IKBKE: variants seen among roughly 807,000 people sequenced by gnomAD.
IKBKE encodes inhibitor of nuclear factor kappa-B kinase subunit epsilon.
In IKBKE, 45 loss-of-function variants were observed where a neutral mutation model predicts 92.1. The ratio of observed to expected loss-of-function variants is 0.49; its 90% confidence interval spans 0.38 to 0.63. IKBKE has a LOEUF of 0.63. Among genes scored for constraint, IKBKE ranks in the 20% least tolerant of loss-of-function variants. The pLI is 0.00. For synonymous variants in IKBKE, 374 were observed against 380.3 expected (o/e 0.98, Z 0.19); for missense variants, 700 against 932.8 (o/e 0.75, Z 3.25).
Position 206,491,709 on chromosome 1 carries a change from A to G in IKBKE, c.1795A>G (p.Lys599Glu). 6.2e-7 allele frequency: 1 copy of G among 1,613,670 alleles called. No individual in the cohort carries two copies. The highest frequency in any genetic ancestry group is 8.5e-7 in the Non-Finnish European group (1 of 1,179,716). ...GGTGTTCCAGGAGGAGTGCGTGCAG[A>G]AGTATCAAGCGTCCTTAGTCACACA... is the stretch of plus-strand genomic sequence containing the variant. Reference protein sequence around the residue: ...LQVFQEECVQKYQASLVTHGK... With the variant: ...LQVFQEECVQEYQASLVTHGK... The change falls in exon 18 of 22, where the codon AAG (lysine) becomes GAG (glutamate). Residue 599 changes from lysine (K) to glutamate (E), a missense_variant. By Grantham distance (56) the Lys-to-Glu change is moderately conservative (BLOSUM62 1). Coordinates refer to ENST00000581977, the MANE Select transcript of IKBKE (RefSeq NM_014002.4).
At position 206,487,283 on chromosome 1, in the gene IKBKE, G is replaced by A. The variant is rs41299029; in HGVS notation, c.1617-631G>A. 8.5e-3 allele frequency among the ~76,000 whole-genome samples: 1,295 copies of A among 152,350 alleles called. 20 individuals carry two copies. The highest frequency in any genetic ancestry group is 0.03 in the African/African-American group (1,232 of 41,560). On this transcript the variant is annotated intron_variant, in intron 15 of 21. Transcript: ENST00000581977. This position sits in a 1 kb window ranked among gnomAD's most constrained non-coding sequence, Gnocchi z 5.3. Reference sequence around the variant, plus strand: ...TTTGTTTCCAGCCTGAAAAGGGGAAGGAAGAAATAATAATGACCTTCAACC... The same window carrying A: ...TTTGTTTCCAGCCTGAAAAGGGGAAAGAAGAAATAATAATGACCTTCAACC...
At chr1:206,494,796 G>T (rs41299882) in intron 21 of IKBKE, among the ~76,000 whole-genome samples, 1,737 of 151,214 alleles carry the variant, frequency 0.011, 16 homozygotes, top group Middle Eastern at 0.021. Context: ...TAGAGACAGG[G>T]TTTCACCATC....
chr1:206,486,161 G>A (rs1223940425), intron 15 of IKBKE, among the ~76,000 whole-genome samples: 2 of 152,368 alleles, frequency 1.3e-5, no homozygotes, highest in East Asian at 1.9e-4. Flanking sequence ...GTGGTTCTTT[G>A]GAGATGTGAA....
intron 21 of IKBKE, 59 bp downstream of exon 21, chr1:206,494,050 G>T: frequency 6.8e-7 from 1 of 1,473,302 alleles, no homozygotes. Context: ...CCTTGCCTGG[G>T]GGTGGTGAAG....
chr1:206,493,359 C>G lies in IKBKE; in HGVS notation c.2026C>G (p.Arg676Gly). ...PPIAPYPSPT[R>G]KDLLLHMQEL... The stretch of plus-strand genomic sequence containing the variant: ...CATAGCTCCTTACCCCAGCCCTACA[C>G]GAAAGGACCTGCTTCTCCAGTAAGT... The change falls in exon 20 of 22, where the codon CGA becomes GGA. Residue 676 changes from arginine (R) to glycine (G), a missense_variant. Physicochemically the swap from Arg to Gly is moderately radical, Grantham distance 125. Transcript: ENST00000581977. 2 of 1,613,464 alleles carry G rather than the reference C, an allele frequency of 1.2e-6. No individual in the cohort carries two copies. Among genetic ancestry groups the G allele is most frequent in the South Asian group, 1.1e-5 (1 of 91,068 alleles).
At position 206,490,508 on chromosome 1, in the gene IKBKE, A is replaced by G. The variant is rs527296590; in HGVS notation, c.1694-311A>G. Reference sequence around the variant, plus strand: ...CTATGGTTGACCGAGCCTCCTTCTAAGCCCACTTCATCCACCAACTCCCAC... The same window carrying G: ...CTATGGTTGACCGAGCCTCCTTCTAGGCCCACTTCATCCACCAACTCCCAC... On this transcript the variant is annotated intron_variant, in intron 16 of 21. Transcript: ENST00000581977. This position sits in a 1 kb window ranked among gnomAD's most constrained non-coding sequence, Gnocchi z 5.2. Among the ~76,000 whole-genome samples the G allele has an allele frequency of 6.6e-6, 1 of 152,252 alleles. No individual in the cohort carries two copies. Among genetic ancestry groups the G allele is most frequent in the South Asian group, 2.1e-4 (1 of 4,824 alleles).
At chr1:206,471,714 G>T (rs1019930809) in intron 2 of IKBKE, among the ~76,000 whole-genome samples, 2 of 152,208 alleles carry the variant, frequency 1.3e-5, no homozygotes, top group Non-Finnish European at 2.9e-5. Flanking sequence ...TACCTCAGTT[G>T]CTTCTGTGTA....
At chr1:206,494,762 C>T (rs1300499460) in intron 21 of IKBKE, among the ~76,000 whole-genome samples, 1 of 151,438 alleles carries the variant, frequency 6.6e-6, no homozygotes, top group Non-Finnish European at 1.5e-5. Flanking sequence ...CACCACCACA[C>T]GCAGTTAATT....
intron 18 of IKBKE, 175 bp from the exon 19 acceptor site, chr1:206,492,848 T>G: frequency 2.9e-6 from 2 of 700,394 alleles, no homozygotes. Flanking sequence ...TGCTTCTGCA[T>G]TATTGCAGTG....
intron 18 of IKBKE, chr1:206,492,754 C>T (rs1553390854): frequency 1.3e-5 from 8 of 599,938 alleles, no homozygotes; most frequent in South Asian, 1.1e-4. Flanking sequence ...AGGTGGCATG[C>T]GTCACCCAGC....
chr1:206,490,750 C>G lies in IKBKE; in HGVS notation c.1694-69C>G. The G allele has an allele frequency of 3.3e-6, 5 of 1,509,676 alleles. No homozygotes were observed. The highest frequency in any genetic ancestry group is 3.7e-6 in the Non-Finnish European group (4 of 1,085,022). The allele number at this position is 1,509,676 out of a possible 1,614,324, so 93.5% of individuals were successfully genotyped here. ...CCGTCTTCATCTTTTAACTGTCTCT[C>G]GACCTTTGCTGCACACTGTTTCGTT... is the stretch of plus-strand genomic sequence containing the variant. On this transcript the variant is annotated intron_variant, in intron 16 of 21. Transcript: ENST00000581977. The surrounding 1 kb of genome is among the most constrained non-coding windows in gnomAD (Gnocchi z 5.2).
chr1:206,484,095 T>A (rs969941911), intron 13 of IKBKE, among the ~76,000 whole-genome samples: 13 of 122,042 alleles, frequency 1.1e-4, no homozygotes, highest in African/African-American at 3.5e-4. Flanking sequence ...TGGCTTTTAT[T>A]TTGTATTGTA....
chr1:206,478,342 A>T lies in IKBKE; in HGVS notation c.992+3A>T, dbSNP rs781941456. ...ATCTATATCCATGCCCACAACACGT[A>T]AGTGGGGGCGAGGGAGGGAAGCGGT... On this transcript the variant is annotated splice_donor_region_variant and intron_variant, in intron 9 of 21. Transcript: ENST00000581977. The surrounding 1 kb of genome is among the most constrained non-coding windows in gnomAD (Gnocchi z 4.8). The T allele has an allele frequency of 6.2e-7, 1 of 1,611,994 alleles. No individual in the cohort carries two copies. Among genetic ancestry groups the T allele is most frequent in the Admixed American group, 1.7e-5 (1 of 60,024 alleles).
chr1:206,470,763 G>C (rs1651271359), intron 1 of IKBKE, 65 bp downstream of exon 1: 1 of 152,530 alleles, frequency 6.6e-6, no homozygotes, highest in South Asian at 2.1e-4. Flanking sequence ...GGCAGCTGCA[G>C]GGCAGCTCAG....
At chr1:206,479,978 G>C (rs782253530) in intron 11 of IKBKE, 44 bp downstream of exon 11, 3 of 1,612,838 alleles carry the variant, frequency 1.9e-6, no homozygotes, top group East Asian at 4.5e-5. Context: ...ATGACCCAAG[G>C]GTAGGAGGTG....
rs2103456086 is a variant in IKBKE, at chr1:206,476,778, C to T, written c.641C>T (p.Ala214Val). 1 of 1,614,252 alleles carries T rather than the reference C, an allele frequency of 6.2e-7. No homozygotes were observed. Among genetic ancestry groups the T allele is most frequent in the Non-Finnish European group, 8.5e-7 (1 of 1,180,038 alleles). ...LWSIGVTLYH[A>V]ATGSLPFIPF... Reference sequence around the variant, plus strand: ...AGCATTGGAGTGACCTTGTACCATGCAGCCACTGGCAGCCTGCCCTTCATC... The same window carrying T: ...AGCATTGGAGTGACCTTGTACCATGTAGCCACTGGCAGCCTGCCCTTCATC... Residue 214 changes from alanine to valine, a missense_variant, in exon 7 of 22, where the codon GCA (alanine) becomes GTA (valine). By Grantham distance (64) the Ala-to-Val change is moderately conservative. Coordinates refer to ENST00000581977, the MANE Select transcript of IKBKE (RefSeq NM_014002.4). The surrounding 1 kb of genome is among the most constrained non-coding windows in gnomAD (Gnocchi z 5.1).
chr1:206,474,792 C>T, intron 4 of IKBKE, 73 bp from the exon 5 acceptor site: 1 of 1,558,576 alleles, frequency 6.4e-7, no homozygotes, highest in South Asian at 1.2e-5. Context: ...GGGCTCCAGG[C>T]TGAGCCACTT....
In IKBKE at chr1:206,478,600, C is replaced by T. The variant is rs1665200613; in HGVS notation, c.992+261C>T. Among the ~76,000 whole-genome samples, 1 of 152,140 alleles carries T rather than the reference C, an allele frequency of 6.6e-6. No individual in the cohort carries two copies. Among genetic ancestry groups the T allele is most frequent in the South Asian group, 2.1e-4 (1 of 4,832 alleles). On this transcript the variant is annotated intron_variant, in intron 9 of 21. Transcript: ENST00000581977. This position sits in a 1 kb window ranked among gnomAD's most constrained non-coding sequence, Gnocchi z 4.8. ...GAAGTGTGTGCGTGGTGTATGTTGG[C>T]TGTACATTTCGTAAAGGTACTGCTC...
chr1:206,494,869 G>T (rs915245374), intron 21 of IKBKE, among the ~76,000 whole-genome samples: 1 of 151,486 alleles, frequency 6.6e-6, no homozygotes. Flanking sequence ...CTCCCAAAGT[G>T]CTGGGATTAC....
Sources: gnomAD v4.1 joint callset for allele counts (sites outside exome capture counted in the v4.1 genomes callset) on GRCh38, gnomAD v4.1.1 for gene constraint, Gnocchi (gnomAD v3.1) non-coding constraint, MANE v1.5 for transcripts, NCBI Gene and HGNC (gene_info 2026-07-23, HGNC 2026-07-21) for gene names.